METTL24: variants seen among roughly 807,000 people sequenced by gnomAD.
METTL24 encodes the protein methyltransferase like 24, also known as probable methyltransferase-like protein 24.
Under a neutral mutation model 32.7 loss-of-function variants are expected in METTL24, and 29 were observed. That is an observed-to-expected ratio of 0.89 (90% CI 0.66 to 1.21). The LOEUF is 1.21. Among genes scored for constraint, METTL24 ranks in the 50% most tolerant of loss-of-function variants. The pLI is 0.00. For missense variants in METTL24, 439 were observed against 468.1 expected (o/e 0.94, Z 0.57); for synonymous variants, 163 against 179.5 (o/e 0.91, Z 0.73).
intron 1 of METTL24, among the ~76,000 whole-genome samples, chr6:110,331,672 A>G: frequency 6.8e-6 from 1 of 146,118 alleles, no homozygotes. Context: ...AAAAAAAAAA[A>G]AAAAAAAAGG....
intron 4 of METTL24, among the ~76,000 whole-genome samples, chr6:110,275,994 C>A (rs1771040559): frequency 2.0e-5 from 3 of 152,304 alleles, no homozygotes; most frequent in Middle Eastern, 3.4e-3. Context: ...CCAGCCACAG[C>A]ATTCATTGTC....
At chr6:110,286,320 C>T (rs565474321) in intron 4 of METTL24, among the ~76,000 whole-genome samples, 53 of 152,298 alleles carry the variant, frequency 3.5e-4, no homozygotes, top group African/African-American at 1.3e-3. Flanking sequence ...ATGATCTTCA[C>T]ATCACCTGGG....
intron 1 of METTL24, among the ~76,000 whole-genome samples, chr6:110,335,947 A>G (rs923804294): frequency 6.6e-6 from 1 of 152,240 alleles, no homozygotes; most frequent in South Asian, 2.1e-4. Context: ...TCGTCCCCAA[A>G]GCTAGTTGAT....
At chr6:110,258,650 G>A (rs1183252154) in intron 4 of METTL24, among the ~76,000 whole-genome samples, 1 of 151,906 alleles carries the variant, frequency 6.6e-6, no homozygotes, top group Non-Finnish European at 1.5e-5. Context: ...GAGCCAGTAG[G>A]GACTTTGTGA....
intron 4 of METTL24, among the ~76,000 whole-genome samples, chr6:110,284,887 A>G (rs1771193756): frequency 6.6e-6 from 1 of 152,220 alleles, no homozygotes. Flanking sequence ...CAAAAGGGTA[A>G]TGTGAAAGAA....
chr6:110,260,154 A>G (rs1441660537), intron 4 of METTL24, among the ~76,000 whole-genome samples: 4 of 152,194 alleles, frequency 2.6e-5, no homozygotes, highest in Non-Finnish European at 5.9e-5. Context: ...GCTTCAGACA[A>G]TCAAACTTCT....
chr6:110,301,069 G>A (rs1771508678), intron 3 of METTL24, among the ~76,000 whole-genome samples: 1 of 152,038 alleles, frequency 6.6e-6, no homozygotes, highest in Non-Finnish European at 1.5e-5. Context: ...AGTCTTATTT[G>A]CCTCTTCCTC....
intron 1 of METTL24, among the ~76,000 whole-genome samples, chr6:110,348,590 G>C (rs973248437): frequency 3.3e-5 from 5 of 152,260 alleles, no homozygotes; most frequent in African/African-American, 7.2e-5. Context: ...ATGACTTGCT[G>C]TCGCATTGTG....
intron 1 of METTL24, among the ~76,000 whole-genome samples, chr6:110,324,676 C>G (rs1447928457): frequency 6.6e-6 from 1 of 152,208 alleles, no homozygotes; most frequent in Non-Finnish European, 1.5e-5. Context: ...TGTAGCTCTT[C>G]TTGTTCTGTG....
rs144517280 is a variant in METTL24 at position 110,254,509 on chromosome 6, G to A, written c.787-8249C>T. 5.6e-4 allele frequency among the ~76,000 whole-genome samples: 85 copies of A among 152,206 alleles called. 2 individuals are homozygous for A. In the East Asian group the frequency reaches 0.012, roughly 22 times the overall value. ...TATCTGGGCATGGTGGCATGCACCT[G>A]CAATCCCAGCTACTTGGGAGGCTGA... On this transcript the variant is annotated intron_variant, in intron 4 of 4. Transcript: ENST00000338882.
At chr6:110,348,812 C>T (rs1772533900) in intron 1 of METTL24, among the ~76,000 whole-genome samples, 2 of 152,180 alleles carry the variant, frequency 1.3e-5, no homozygotes, top group African/African-American at 2.4e-5. Context: ...TGCTTTATTC[C>T]ACCCCCCTAG....
At chr6:110,250,309 T>G (rs1267624468) in intron 4 of METTL24, among the ~76,000 whole-genome samples, 1 of 151,882 alleles carries the variant, frequency 6.6e-6, no homozygotes, top group Non-Finnish European at 1.5e-5. Context: ...TCTTCAACAT[T>G]CCTTGGCTCC....
intron 2 of METTL24, among the ~76,000 whole-genome samples, chr6:110,321,657 G>A (rs1562236852): frequency 6.6e-6 from 1 of 152,116 alleles, no homozygotes. Context: ...AAAATCATGA[G>A]AAGCACAGGG....
At chr6:110,323,946 T>TA (rs1416860227) in intron 1 of METTL24, among the ~76,000 whole-genome samples, 2 of 152,130 alleles carry the variant, frequency 1.3e-5, no homozygotes, top group Non-Finnish European at 2.9e-5. Flanking sequence ...CACAGTGTTC[T>TA]CCAGTCAGGT....
intron 4 of METTL24, among the ~76,000 whole-genome samples, chr6:110,292,508 C>T (rs1003784565): frequency 6.6e-6 from 1 of 151,916 alleles, no homozygotes; most frequent in Non-Finnish European, 1.5e-5. Flanking sequence ...AATTTTCTAT[C>T]AAGTTGTGGA....
At position 110,261,582 on chromosome 6, in the gene METTL24, C is replaced by G. The variant is rs139940566; in HGVS notation, c.787-15322G>C. On this transcript the variant is annotated intron_variant, in intron 4 of 4. Coordinates refer to ENST00000338882, the MANE Select transcript of METTL24 (RefSeq NM_001123364.3). ...TGAGACAGAAAGTTAACAAGGATATCCAGGAATTGAACTCAGCTCTGCGCC... is the reference window on the plus strand; with the variant it reads ...TGAGACAGAAAGTTAACAAGGATATGCAGGAATTGAACTCAGCTCTGCGCC... Among the ~76,000 whole-genome samples, 1,125 of 152,184 alleles carry G rather than the reference C, an allele frequency of 7.4e-3. 7 individuals are homozygous for G. The highest frequency in any genetic ancestry group is 0.011 in the Non-Finnish European group (781 of 67,992).
intron 3 of METTL24, among the ~76,000 whole-genome samples, chr6:110,313,478 A>G (rs960510164): frequency 2.0e-5 from 3 of 152,206 alleles, no homozygotes; most frequent in African/African-American, 7.2e-5. Flanking sequence ...AGCAAAAAGG[A>G]ATTTAGAAAC....
chr6:110,310,037 C>T (rs1017181062), intron 3 of METTL24, among the ~76,000 whole-genome samples: 3 of 152,084 alleles, frequency 2.0e-5, no homozygotes, highest in Admixed American at 6.5e-5. Flanking sequence ...GCTTGAGGTC[C>T]ATGGTTTTCA....
chr6:110,336,883 A>T (rs1772246161), intron 1 of METTL24, among the ~76,000 whole-genome samples: 1 of 152,244 alleles, frequency 6.6e-6, no homozygotes, highest in Non-Finnish European at 1.5e-5. Context: ...AAGAGCTAAA[A>T]GTAGAACTAA....
Sources: gnomAD v4.1 joint callset for allele counts (sites outside exome capture counted in the v4.1 genomes callset) on GRCh38, gnomAD v4.1.1 for gene constraint, MANE v1.5 for transcripts, NCBI Gene and HGNC (gene_info 2026-07-23, HGNC 2026-07-21) for gene names.